TENM3: variants seen among roughly 807,000 people sequenced by gnomAD.
TENM3 encodes the protein teneurin-3.
In TENM3, 63 loss-of-function variants were observed where a neutral mutation model predicts 255.1. The ratio of observed to expected loss-of-function variants is 0.25; its 90% CI spans 0.20 to 0.30. The LOEUF is 0.30. Among genes scored for constraint, TENM3 ranks in the 10% least tolerant of loss-of-function variants. TENM3 has a pLI of 1.00. For synonymous variants in TENM3, 1,306 were observed against 1,322.3 expected (o/e 0.99, Z 0.27); for missense variants, 2,929 against 3,461.1 (o/e 0.85, Z 3.86).
the TENM3 span, among the ~76,000 whole-genome samples, chr4:182,103,258 C>A: frequency 1.3e-5 from 2 of 152,120 alleles, no homozygotes; most frequent in East Asian, 1.9e-4. Context: ...CAAATGTAAA[C>A]CCAATTAAGA....
intron 2 of TENM3, among the ~76,000 whole-genome samples, chr4:182,329,126 G>A (rs914309631): frequency 6.6e-6 from 1 of 152,138 alleles, no homozygotes; most frequent in African/African-American, 2.4e-5. Context: ...CAGCAGACTC[G>A]CTACCTCCTG....
chr4:181,764,465 G>A, the TENM3 span, among the ~76,000 whole-genome samples: 28 of 152,284 alleles, frequency 1.8e-4, no homozygotes, highest in East Asian at 5.2e-3. Context: ...AAAGACCGTT[G>A]ATTTTAGAAT....
At chr4:182,618,248 G>T (rs899850938) in intron 4 of TENM3, among the ~76,000 whole-genome samples, 1 of 151,974 alleles carries the variant, frequency 6.6e-6, no homozygotes, top group Non-Finnish European at 1.5e-5. Flanking sequence ...ATTTTCCAGG[G>T]ATGCTTTTCA....
chr4:182,047,454 CA>C, the TENM3 span, among the ~76,000 whole-genome samples: 2 of 146,966 alleles, frequency 1.4e-5, no homozygotes, highest in Non-Finnish European at 3.0e-5. Context: ...CTCAGCTACT[CA>C]GGAGGCTGAG....
chr4:182,577,115 T>C lies in TENM3; in HGVS notation c.512-23809T>C, dbSNP rs1373214161. 2.0e-5 allele frequency among the ~76,000 whole-genome samples: 3 copies of C among 152,340 alleles called. No individual in the cohort carries two copies. In the East Asian group the frequency reaches 5.8e-4, roughly 29 times the overall value. ...CCTGAAGGCTTCTCTGTTTGGAATA[T>C]GCATTCTTCACAGCAACTAAAGCAT... On this transcript the variant is annotated intron_variant, in intron 3 of 27. Transcript: ENST00000511685.
At chr4:181,903,118 T>C in the TENM3 span, among the ~76,000 whole-genome samples, 1 of 152,158 alleles carries the variant, frequency 6.6e-6, no homozygotes. Flanking sequence ...AAATAGTCAC[T>C]GGATGCCCCA....
intron 1 of TENM3, among the ~76,000 whole-genome samples, chr4:182,171,006 T>C (rs1752069788): frequency 6.6e-6 from 1 of 152,118 alleles, no homozygotes; most frequent in Admixed American, 6.6e-5. Flanking sequence ...TATTGTAGAG[T>C]GATCATCAGG....
chr4:181,860,985 G>T, the TENM3 span, among the ~76,000 whole-genome samples: 4 of 152,064 alleles, frequency 2.6e-5, no homozygotes, highest in Non-Finnish European at 4.4e-5. Context: ...ACAAACAGGG[G>T]TTGATATCGA....
intron 3 of TENM3, among the ~76,000 whole-genome samples, chr4:182,570,907 G>T (rs1055771582): frequency 2.0e-5 from 3 of 152,114 alleles, no homozygotes; most frequent in African/African-American, 7.2e-5. Flanking sequence ...GTCGATGCGT[G>T]TGTTTATCCT....
the TENM3 span, among the ~76,000 whole-genome samples, chr4:181,930,275 C>T: frequency 1.3e-4 from 19 of 151,992 alleles, no homozygotes; most frequent in African/African-American, 4.1e-4. Flanking sequence ...ACTAGCCAGA[C>T]TAATAAAGGG....
At chr4:181,772,419 C>A in the TENM3 span, among the ~76,000 whole-genome samples, 129 of 152,020 alleles carry the variant, frequency 8.5e-4, no homozygotes, top group African/African-American at 3.0e-3. Context: ...AAATAGAAAT[C>A]ATTTTTAAAC....
At chr4:181,656,819 T>C in the TENM3 span, among the ~76,000 whole-genome samples, 37 of 152,278 alleles carry the variant, frequency 2.4e-4, no homozygotes, top group Admixed American at 7.2e-4. Flanking sequence ...AGTAAGGATT[T>C]CAAGAGGAAA....
At chr4:181,493,526 G>A in the TENM3 span, among the ~76,000 whole-genome samples, 1 of 151,938 alleles carries the variant, frequency 6.6e-6, no homozygotes, top group African/African-American at 2.4e-5. Flanking sequence ...AGGTCAGTTC[G>A]AGACCAGCCT....
At chr4:182,076,700 G>C in the TENM3 span, among the ~76,000 whole-genome samples, 2 of 152,116 alleles carry the variant, frequency 1.3e-5, no homozygotes, top group African/African-American at 4.8e-5. Context: ...AACCCTGAGA[G>C]TTTAACTCAG....
chr4:181,566,315 A>G, the TENM3 span, among the ~76,000 whole-genome samples: 13 of 152,352 alleles, frequency 8.5e-5, no homozygotes, highest in African/African-American at 2.9e-4. Context: ...AGATACTGAC[A>G]TGAGAATTTC....
At chr4:182,371,629 A>C (rs2150860500) in intron 3 of TENM3, among the ~76,000 whole-genome samples, 1 of 152,334 alleles carries the variant, frequency 6.6e-6, no homozygotes, top group East Asian at 1.9e-4. Context: ...TGACTAGATT[A>C]GGATTTTCTG....
intron 4 of TENM3, among the ~76,000 whole-genome samples, chr4:182,606,613 G>GCATTA (rs1213870173): frequency 6.6e-6 from 1 of 151,160 alleles, no homozygotes; most frequent in African/African-American, 2.4e-5. Context: ...GTCTCCAGCA[G>GCATTA]CATTACAGTT....
At chr4:182,712,909 CTTAGAATT>C (rs1758861411) in intron 12 of TENM3, among the ~76,000 whole-genome samples, 1 of 152,164 alleles carries the variant, frequency 6.6e-6, no homozygotes, top group African/African-American at 2.4e-5. Context: ...GCCAGTTATT[CTTAGAATT>C]TTAGAGCATT....
the TENM3 span, among the ~76,000 whole-genome samples, chr4:181,452,596 C>A: frequency 6.6e-6 from 1 of 152,128 alleles, no homozygotes; most frequent in African/African-American, 2.4e-5. Context: ...GAGGCCTCCC[C>A]AGCCAGGCTG....
Sources: allele counts gnomAD v4.1 joint callset (sites outside exome capture counted in the v4.1 genomes callset), GRCh38; gene constraint gnomAD v4.1.1; transcripts MANE v1.5; gene names NCBI Gene and HGNC (gene_info 2026-07-23, HGNC 2026-07-21).